Variants in ZNRF2 observed in about 807,000 individuals in gnomAD.
The protein encoded by ZNRF2 is E3 ubiquitin-protein ligase ZNRF2.
A neutral mutation model predicts 20.4 loss-of-function variants in ZNRF2; 16 were observed. The ratio of observed to expected loss-of-function variants is 0.79; its 90% confidence interval spans 0.53 to 1.19. ZNRF2 has a LOEUF of 1.19. Ranked by LOEUF, ZNRF2 falls within the 50% of genes most tolerant of loss-of-function variation. The probability of loss-of-function intolerance (pLI) is 0.00; values close to 1 mark genes in which losing one functional copy is unlikely to be tolerated. For missense variants in ZNRF2, 363 were observed against 332.4 expected, an observed-to-expected ratio of 1.09 and a Z score of -0.72; for synonymous variants, 178 against 144.9, an observed-to-expected ratio of 1.23 and a Z score of -1.64.
chr7:30,330,479 A>T (rs982466100), intron 2 of ZNRF2, among the ~76,000 whole-genome samples: 10 of 152,180 alleles, frequency 6.6e-5, no homozygotes, highest in African/African-American at 2.4e-4. Context: ...GCTCACACAA[A>T]TATTGCAGGT....
intron 1 of ZNRF2, among the ~76,000 whole-genome samples, chr7:30,297,216 T>G (rs1799033515): frequency 6.6e-6 from 1 of 152,236 alleles, no homozygotes; most frequent in Admixed American, 6.5e-5. Flanking sequence ...TGCCTGAATT[T>G]CATTTTCTTG....
At position 30,285,552 on chromosome 7, in the gene ZNRF2, C is replaced by A. The variant is rs1309222710; in HGVS notation, c.195C>A (p.Ala65=). ...SAHQPSASGG[A]AAAAAAPAAP... ...ACCAGCCCAGCGCCTCCGGCGGCGC[C>A]GCGGCGGCCGCGGCGGCCCCGGCAG... The change falls in exon 1 of 5, where the codon GCC becomes GCA. Residue 65 remains alanine, a synonymous_variant. Coordinates refer to ENST00000323037, the MANE Select transcript of ZNRF2 (RefSeq NM_147128.4). The A allele has an allele frequency of 3.1e-6, 3 of 970,886 alleles. No individual in the cohort carries two copies. Among genetic ancestry groups the A allele is most frequent in the Non-Finnish European group, 3.6e-6 (3 of 822,194 alleles). The allele number at this position is 970,886 out of a possible 1,614,324, so 60.1% of individuals were successfully genotyped here.
At chr7:30,336,430 G>A (rs531320566) in intron 2 of ZNRF2, among the ~76,000 whole-genome samples, 7 of 152,082 alleles carry the variant, frequency 4.6e-5, no homozygotes, top group African/African-American at 1.2e-4. Context: ...CAGTGGCTCC[G>A]TCTTGGGGGG....
chr7:30,345,236 TTTTCTATTTATTTTTC>T (rs1799858554), intron 2 of ZNRF2, among the ~76,000 whole-genome samples: 1 of 152,108 alleles, frequency 6.6e-6, no homozygotes, highest in South Asian at 2.1e-4. Flanking sequence ...TAACTCTTCA[TTTTCTATTTATTTTTC>T]TCATTTCTAC....
intron 3 of ZNRF2, 67 bp downstream of exon 3, chr7:30,355,900 C>A: frequency 8.1e-7 from 1 of 1,228,924 alleles, no homozygotes; most frequent in Non-Finnish European, 1.2e-6. Context: ...GTAATTAGGG[C>A]TGAAAAGGAA....
At chr7:30,299,937 A>C (rs1274453843) in intron 1 of ZNRF2, among the ~76,000 whole-genome samples, 1 of 148,762 alleles carries the variant, frequency 6.7e-6, no homozygotes. Flanking sequence ...CCGCCACCAC[A>C]CCCGGCTAAT....
rs181107014 is a variant in ZNRF2 at position 30,355,786 on chromosome 7, G to A, written c.624G>A (p.Gln208=). Residue 208 remains glutamine, a synonymous_variant, in exon 3 of 5, where the codon CAG becomes CAA. Transcript: ENST00000323037. ...ECAICLEELQ[Q]GDTIARLPCL... is the part of the protein sequence containing the mutation. The stretch of plus-strand genomic sequence containing the variant: ...CAATATGCCTTGAAGAATTGCAGCA[G>A]GGAGATACTATAGCACGACTGCCTT... The A allele has an allele frequency of 2.2e-5, 35 of 1,613,570 alleles. No homozygotes were observed. The East Asian group carries it at 6.7e-4, about 31-fold the overall frequency.
intron 1 of ZNRF2, among the ~76,000 whole-genome samples, chr7:30,290,910 T>G (rs780784786): frequency 1.3e-5 from 2 of 152,216 alleles, no homozygotes; most frequent in Non-Finnish European, 2.9e-5. Context: ...GGTACAAATA[T>G]GGAGCTTCTT....
At chr7:30,287,836 A>G (rs1798820448) in intron 1 of ZNRF2, among the ~76,000 whole-genome samples, 1 of 152,054 alleles carries the variant, frequency 6.6e-6, no homozygotes, top group African/African-American at 2.4e-5. Flanking sequence ...TTAGTTATGT[A>G]TCATTCTTGG....
intron 1 of ZNRF2, among the ~76,000 whole-genome samples, chr7:30,293,248 A>AT (rs71557451): frequency 0.016 from 2,129 of 133,730 alleles, 16 homozygotes; most frequent in East Asian, 0.025. Context: ...AAATTTTTAC[A>AT]TTTTTTTTTT....
chr7:30,319,799 CAA>C (rs568308204), intron 1 of ZNRF2, among the ~76,000 whole-genome samples: 11 of 152,246 alleles, frequency 7.2e-5, no homozygotes, highest in African/African-American at 2.6e-4. Context: ...CTCTGTTTAA[CAA>C]GAGCAGAATG....
At chr7:30,326,293 C>T (rs1799551086) in intron 2 of ZNRF2, among the ~76,000 whole-genome samples, 1 of 152,174 alleles carries the variant, frequency 6.6e-6, no homozygotes, top group African/African-American at 2.4e-5. Context: ...CTCCTACTCT[C>T]CACCCTCTGG....
At chr7:30,290,577 C>T (rs1798882686) in intron 1 of ZNRF2, among the ~76,000 whole-genome samples, 1 of 152,222 alleles carries the variant, frequency 6.6e-6, no homozygotes, top group Admixed American at 6.5e-5. Context: ...TATGTTCTTA[C>T]ATAATCGTGT....
At chr7:30,294,153 T>C (rs1209401984) in intron 1 of ZNRF2, among the ~76,000 whole-genome samples, 1 of 152,184 alleles carries the variant, frequency 6.6e-6, no homozygotes, top group African/African-American at 2.4e-5. Context: ...TTTTTTCTAC[T>C]GTTACCTCTA....
In ZNRF2 at chr7:30,285,633, G is replaced by A; in HGVS notation, c.276G>A (p.Ser92=). 1 of 1,257,712 alleles carries A rather than the reference G, an allele frequency of 8.0e-7. No individual in the cohort carries two copies. The highest frequency in any genetic ancestry group is 1.0e-6 in the Non-Finnish European group (1 of 1,004,848). 77.9% of individuals were successfully genotyped at this position (1,257,712 alleles called of 1,614,324 possible). A position where few individuals can be genotyped will look rare whatever the true frequency, so the allele number is the denominator to read the frequency against. The change falls in exon 1 of 5, where the codon TCG becomes TCA. Residue 92 remains serine (S), a synonymous_variant. Transcript: ENST00000323037. ...GCGGGGCCGTGGGGAGCGTGGCGTCGGGGGCCCGCGCGGCGCAGTCCCCCT... is the reference window on the plus strand; with the variant it reads ...GCGGGGCCGTGGGGAGCGTGGCGTCAGGGGCCCGCGCGGCGCAGTCCCCCT... ...SLGGAVGSVA[S]GARAAQSPFS...
At chr7:30,341,798 C>G (rs928248570) in intron 2 of ZNRF2, among the ~76,000 whole-genome samples, 1 of 152,036 alleles carries the variant, frequency 6.6e-6, no homozygotes, top group East Asian at 1.9e-4. Context: ...TCTCGTTGAT[C>G]TGTATAATAC....
In ZNRF2 at chr7:30,285,403, C is replaced by A; in HGVS notation, c.46C>A (p.Arg16Ser). The stretch of plus-strand genomic sequence containing the variant: ...CCCGGCCGCCGCTAACGGCCGCACG[C>A]GCGCGTACTCGGGCTCGGATCTACC... ...SGPAAANGRT[R>S]AYSGSDLPSS... The change falls in exon 1 of 5, where the codon CGC (arginine) becomes AGC (serine). Residue 16 changes from arginine (R) to serine (S), a missense_variant. Arg to Ser is a moderately radical substitution (Grantham distance 110). Transcript: ENST00000323037. 7.9e-7 allele frequency: 1 copy of A among 1,261,444 alleles called. No individual in the cohort carries two copies. The allele number at this position is 1,261,444 out of a possible 1,614,324, so 78.1% of individuals were successfully genotyped here. A position where few individuals can be genotyped will look rare whatever the true frequency, so the allele number is the denominator to read the frequency against.
At chr7:30,356,117 A>G (rs1003940925) in intron 3 of ZNRF2, among the ~76,000 whole-genome samples, 12 of 152,192 alleles carry the variant, frequency 7.9e-5, no homozygotes, top group South Asian at 2.1e-4. Context: ...GCATTTTACA[A>G]TTGAGAAAAT....
At chr7:30,305,507 A>T (rs1175488375) in intron 1 of ZNRF2, among the ~76,000 whole-genome samples, 2 of 152,110 alleles carry the variant, frequency 1.3e-5, no homozygotes, top group Non-Finnish European at 2.9e-5. Context: ...AAACATTGTC[A>T]TTTAAAAAGT....
Sources: gnomAD v4.1 joint callset for allele counts (sites outside exome capture counted in the v4.1 genomes callset) on GRCh38, gnomAD v4.1.1 for gene constraint, MANE v1.5 for transcripts, NCBI Gene and HGNC (gene_info 2026-07-23, HGNC 2026-07-21) for gene names.